KCNQ5: variants seen among roughly 807,000 people sequenced by gnomAD.
KCNQ5 encodes potassium voltage-gated channel subfamily Q member 5.
In KCNQ5, 30 loss-of-function variants were observed where a neutral mutation model predicts 98.2. That is an observed-to-expected ratio of 0.31 (90% CI 0.23 to 0.41). The LOEUF (loss-of-function observed/expected upper bound fraction) is 0.41. KCNQ5 is among the 10% of genes least tolerant of loss of function. The probability of loss-of-function intolerance (pLI) is 1.00; values close to 1 mark genes in which losing one functional copy is unlikely to be tolerated. For synonymous variants in KCNQ5, 458 were observed against 449.4 expected (o/e 1.02, Z -0.24); for missense variants, 835 against 1,182.5 (o/e 0.71, Z 4.31).
chr6:72,969,067 A>G (rs1337409340), intron 1 of KCNQ5, among the ~76,000 whole-genome samples: 2 of 152,178 alleles, frequency 1.3e-5, no homozygotes, highest in African/African-American at 4.8e-5. Flanking sequence ...TTGCTCCTCA[A>G]TTTCAGTGTA....
At chr6:73,079,355 A>G (rs1773670228) in intron 5 of KCNQ5, among the ~76,000 whole-genome samples, 1 of 152,236 alleles carries the variant, frequency 6.6e-6, no homozygotes, top group Non-Finnish European at 1.5e-5. Context: ...ATAAAAATAT[A>G]TCATTTTCTT....
intron 1 of KCNQ5, among the ~76,000 whole-genome samples, chr6:72,687,056 G>A (rs1279945610): frequency 6.6e-6 from 1 of 152,090 alleles, no homozygotes; most frequent in African/African-American, 2.4e-5. Context: ...TAACTTATCA[G>A]TTAATTGTGT....
At chr6:72,938,180 A>G (rs6936302) in intron 1 of KCNQ5, among the ~76,000 whole-genome samples, 21,102 of 152,218 alleles carry the variant, frequency 0.14, 1,940 homozygotes, top group Non-Finnish European at 0.2. Context: ...AATAAACTAA[A>G]GCATTTCCTG....
At chr6:72,848,107 G>C (rs1777092191) in intron 1 of KCNQ5, among the ~76,000 whole-genome samples, 1 of 151,850 alleles carries the variant, frequency 6.6e-6, no homozygotes, top group Non-Finnish European at 1.5e-5. Context: ...AAGGACACCA[G>C]AGCTGTGGTA....
chr6:72,792,221 G>A (rs1774091428), intron 1 of KCNQ5, among the ~76,000 whole-genome samples: 1 of 151,936 alleles, frequency 6.6e-6, no homozygotes, highest in Non-Finnish European at 1.5e-5. Context: ...TCTTTTTTCA[G>A]TGTCTCATAG....
At chr6:72,771,508 A>G (rs1416284586) in intron 1 of KCNQ5, among the ~76,000 whole-genome samples, 1 of 152,002 alleles carries the variant, frequency 6.6e-6, no homozygotes, top group African/African-American at 2.4e-5. Flanking sequence ...GTTATAGTTC[A>G]TTGTGGTTTT....
intron 1 of KCNQ5, among the ~76,000 whole-genome samples, chr6:72,948,133 A>G (rs1374964776): frequency 6.6e-6 from 1 of 152,102 alleles, no homozygotes; most frequent in Non-Finnish European, 1.5e-5. Flanking sequence ...CATTGTGTCA[A>G]AAACTTAATT....
rs186250596 is a variant in KCNQ5, at chr6:72,755,254, A to G, written c.398+132667A>G. 5.3e-5 allele frequency among the ~76,000 whole-genome samples: 8 copies of G among 152,134 alleles called. No homozygotes were observed. The East Asian group carries it at 1.2e-3, about 22-fold the overall frequency. On this transcript the variant is annotated intron_variant, in intron 1 of 13. Transcript: ENST00000370398. ...AAGTGTGTTTATTTATAACACATAT[A>G]AAGTGCATTTATTTATAGAGTTGGG... is the stretch of plus-strand genomic sequence containing the variant.
intron 3 of KCNQ5, among the ~76,000 whole-genome samples, chr6:73,058,140 C>T (rs758369867): frequency 8.5e-5 from 13 of 152,150 alleles, no homozygotes; most frequent in African/African-American, 7.2e-5. Context: ...TGGCCGGGCA[C>T]GGTGGCTCAC....
chr6:72,994,696 CT>C (rs1179430618), intron 1 of KCNQ5, among the ~76,000 whole-genome samples: 1 of 151,982 alleles, frequency 6.6e-6, no homozygotes, highest in Non-Finnish European at 1.5e-5. Context: ...CCATGATTTT[CT>C]TTTTTTAAAC....
intron 1 of KCNQ5, among the ~76,000 whole-genome samples, chr6:72,663,108 A>T (rs928176269): frequency 2.0e-5 from 3 of 152,112 alleles, no homozygotes; most frequent in Non-Finnish European, 4.4e-5. Flanking sequence ...GGACATAGGG[A>T]GGGGAACATT....
At chr6:72,770,466 A>G (rs1772806257) in intron 1 of KCNQ5, among the ~76,000 whole-genome samples, 1 of 152,172 alleles carries the variant, frequency 6.6e-6, no homozygotes, top group African/African-American at 2.4e-5. Context: ...AATCTTTGAA[A>G]GATATAAAAT....
intron 1 of KCNQ5, among the ~76,000 whole-genome samples, chr6:72,630,216 C>T (rs967324688): frequency 6.6e-6 from 1 of 152,058 alleles, no homozygotes; most frequent in Non-Finnish European, 1.5e-5. Flanking sequence ...ATTAAATTTA[C>T]TCTTGATAAT....
intron 1 of KCNQ5, among the ~76,000 whole-genome samples, chr6:72,734,812 C>A (rs7754096): frequency 0.37 from 56,582 of 151,866 alleles, 13,988 homozygotes; most frequent in African/African-American, 0.67. Flanking sequence ...CAGTTTAGGC[C>A]CTGTAGTAAC....
intron 10 of KCNQ5, among the ~76,000 whole-genome samples, chr6:73,152,302 G>A (rs1044644659): frequency 6.6e-6 from 1 of 151,848 alleles, no homozygotes; most frequent in African/African-American, 2.4e-5. Flanking sequence ...TTGAAAGTTG[G>A]ACTTGCATAC....
At chr6:73,133,024 A>C (rs1178249888) in intron 9 of KCNQ5, among the ~76,000 whole-genome samples, 1 of 152,256 alleles carries the variant, frequency 6.6e-6, no homozygotes, top group Non-Finnish European at 1.5e-5. Context: ...TCTAGAAATT[A>C]CAAAGAGATA....
At chr6:72,766,774 G>T (rs1582250628) in intron 1 of KCNQ5, among the ~76,000 whole-genome samples, 1 of 151,914 alleles carries the variant, frequency 6.6e-6, no homozygotes, top group African/African-American at 2.4e-5. Context: ...GAAGGTTGGG[G>T]ATCAAATGTT....
chr6:72,636,973 C>T lies in KCNQ5; in HGVS notation c.398+14386C>T, dbSNP rs529140460. ...TGACCCCTTGGGAAACTTTGGAGCT[C>T]GGCGTTCAGCTGCCTGTGCAAGTGG... On this transcript the variant is annotated intron_variant, in intron 1 of 13. Transcript: ENST00000370398. Among the ~76,000 whole-genome samples, 53 of 152,262 alleles carry T rather than the reference C, an allele frequency of 3.5e-4. 1 individual carries two copies. In the South Asian group the frequency reaches 0.011, roughly 32 times the overall value.
chr6:73,076,849 A>G (rs1395216947), intron 3 of KCNQ5, among the ~76,000 whole-genome samples: 2 of 152,140 alleles, frequency 1.3e-5, no homozygotes, highest in African/African-American at 4.8e-5. Context: ...AAATGATTAT[A>G]TCTCACAGCA....
Sources: gnomAD v4.1 joint callset for allele counts (sites outside exome capture counted in the v4.1 genomes callset) on GRCh38, gnomAD v4.1.1 for gene constraint, MANE v1.5 for transcripts, NCBI Gene and HGNC (gene_info 2026-07-23, HGNC 2026-07-21) for gene names.